Variants in KRT35 observed in about 807,000 individuals in gnomAD.
KRT35 encodes keratin 35.
In KRT35, 33 loss-of-function variants were observed where a neutral mutation model predicts 42.2. The observed-to-expected ratio is 0.78, with a 90% CI of 0.59 to 1.05. The LOEUF (loss-of-function observed/expected upper bound fraction) is 1.05. KRT35 is among the 50% of genes least tolerant of loss of function. The pLI is 0.00. For synonymous variants in KRT35, 218 were observed against 238.2 expected, an observed-to-expected ratio of 0.92 and a Z score of 0.78; for missense variants, 585 against 589.2, an observed-to-expected ratio of 0.99 and a Z score of 0.07.
At chr17:41,478,809 G>T (rs1393079739) in intron 4 of KRT35, 25 bp downstream of exon 4, 1 of 1,604,508 alleles carries the variant, frequency 6.2e-7, no homozygotes, top group Admixed American at 1.7e-5. Context: ...TACCCCTGTT[G>T]CACTGACTGT....
chr17:41,478,201 G>A (rs1344923245), intron 5 of KRT35, among the ~76,000 whole-genome samples, 160 bp downstream of exon 5: 1 of 152,182 alleles, frequency 6.6e-6, no homozygotes, highest in Non-Finnish European at 1.5e-5. Context: ...ATTTGTGACT[G>A]GAGCTGGTCC....
Position 41,480,781 on chromosome 17 carries a change from T to C in KRT35, c.317A>G (p.Asp106Gly). 9 of 1,614,136 alleles carry C rather than the reference T, an allele frequency of 5.6e-6. No homozygotes were observed. The highest frequency in any genetic ancestry group is 5.9e-6 in the Non-Finnish European group (7 of 1,180,046). Residue 106 changes from aspartate (D) to glycine (G), a missense_variant, in exon 1 of 7, where the codon GAC becomes GGC. Physicochemically the swap from Asp to Gly is moderately conservative, Grantham distance 94. Coordinates refer to ENST00000246639, the MANE Select transcript of KRT35 (RefSeq NM_002280.6). ...NEKETMQSLN[D>G]RLAGYLEKVR... is the part of the protein sequence containing the mutation. Reference sequence around the variant, plus strand: ...CTTCTCCAGGTAGCCGGCCAGGCGGTCGTTCAGGGATTGCATGGTCTCCTT... The same window carrying C: ...CTTCTCCAGGTAGCCGGCCAGGCGGCCGTTCAGGGATTGCATGGTCTCCTT...
chr17:41,477,629 C>T lies in KRT35; in HGVS notation c.1109G>A (p.Arg370Gln), dbSNP rs1332038984. 17 of 1,614,126 alleles carry T rather than the reference C, an allele frequency of 1.1e-5. No individual in the cohort carries two copies. Among genetic ancestry groups the T allele is most frequent in the Non-Finnish European group, 1.4e-5 (16 of 1,180,060 alleles). The change falls in exon 6 of 7, where the codon CGG becomes CAG. Residue 370 changes from arginine to glutamine, a missense_variant. Transcript: ENST00000246639. The part of the protein sequence containing the change: ...TNVEAQLAEI[R>Q]ADLERQNQEY... ...CTGGTTCTGCCGCTCCAGGTCAGCC[C>T]GGATCTCGGCCAGCTGGGCCTCCAC...
chr17:41,477,128 G>A lies in KRT35; in HGVS notation c.1296C>T (p.Cys432=), dbSNP rs367703815. Residue 432 remains cysteine (C), a synonymous_variant, in exon 7 of 7, where the codon TGC becomes TGT. Coordinates refer to ENST00000246639, the MANE Select transcript of KRT35 (RefSeq NM_002280.6). ...SCLPCLPAAS[C]GPSAARTNCS... Reference sequence around the variant, plus strand: ...AGTTTGTGCGGGCTGCACTAGGACCGCAGGAGGCCGCAGGAAGACAGGGAA... The same window carrying A: ...AGTTTGTGCGGGCTGCACTAGGACCACAGGAGGCCGCAGGAAGACAGGGAA... The A allele has an allele frequency of 4.5e-5, 72 of 1,612,786 alleles. No individual in the cohort carries two copies. The highest frequency in any genetic ancestry group is 1.3e-4 in the South Asian group (12 of 90,960).
chr17:41,478,335 C>A, intron 5 of KRT35, 26 bp downstream of exon 5: 1 of 1,608,378 alleles, frequency 6.2e-7, no homozygotes, highest in Non-Finnish European at 8.5e-7. Context: ...GGTCCAGAGG[C>A]AGCTCCACCC....
At chr17:41,478,689 A>G (rs998498024) in intron 4 of KRT35, 145 bp downstream of exon 4, 5 of 1,068,198 alleles carry the variant, frequency 4.7e-6, no homozygotes, top group South Asian at 3.1e-5. Context: ...AGCAAGGTCA[A>G]TTGAAGTGGG....
intron 3 of KRT35, 59 bp downstream of exon 3, chr17:41,479,288 T>C (rs1381220756): frequency 1.9e-6 from 3 of 1,546,028 alleles, no homozygotes; most frequent in Middle Eastern, 2.2e-4. Flanking sequence ...CCTCCCCATG[T>C]TCACCTCCTC....
intron 5 of KRT35, 147 bp from the exon 6 acceptor site, chr17:41,477,885 G>A: frequency 8.2e-7 from 1 of 1,219,602 alleles, no homozygotes; most frequent in African/African-American, 1.5e-5. Flanking sequence ...GAGTTGTGTA[G>A]GGAGGAAAAA....
At chr17:41,480,560 C>CAGA in intron 1 of KRT35, 67 bp downstream of exon 1, 3 of 1,275,152 alleles carry the variant, frequency 2.4e-6, no homozygotes, top group Non-Finnish European at 3.4e-6. Flanking sequence ...CCTATGGGAA[C>CAGA]AGAACTACCA....
chr17:41,477,145 G>T lies in KRT35; in HGVS notation c.1279C>A (p.Leu427Ile). ...CTAGGACCGCAGGAGGCCGCAGGAA[G>T]ACAGGGAAGGCATGACTTGGAGGGT... Reference protein sequence around the residue: ...YSPSKSCLPCLPAASCGPSAA... With the variant: ...YSPSKSCLPCIPAASCGPSAA... Residue 427 changes from leucine to isoleucine, a missense_variant, in exon 7 of 7, where the codon CTT becomes ATT. Coordinates refer to ENST00000246639, the MANE Select transcript of KRT35 (RefSeq NM_002280.6). 6.2e-7 allele frequency: 1 copy of T among 1,613,762 alleles called. No individual in the cohort carries two copies.
In KRT35 at chr17:41,477,607, G is replaced by T; in HGVS notation, c.1131C>A (p.Asn377Lys). 2 of 1,614,238 alleles carry T rather than the reference G, an allele frequency of 1.2e-6. No individual in the cohort carries two copies. The highest frequency in any genetic ancestry group is 1.7e-6 in the Non-Finnish European group (2 of 1,180,056). Residue 377 changes from asparagine (N) to lysine (K), a missense_variant, in exon 6 of 7, where the codon AAC becomes AAA. Transcript: ENST00000246639. ...AEIRADLERQ[N>K]QEYQVLLDVR... ...CGTCCAGCAGCACCTGGTACTCCTGGTTCTGCCGCTCCAGGTCAGCCCGGA... is the reference window on the plus strand; with the variant it reads ...CGTCCAGCAGCACCTGGTACTCCTGTTTCTGCCGCTCCAGGTCAGCCCGGA...
Position 41,480,982 on chromosome 17 carries a change from A to G in KRT35, c.116T>C (p.Leu39Pro). Reference sequence around the variant, plus strand: ...TCTGGCCACAGGGGAGAGACTTGGAAGCTTGCAAGAGCTGCTGGAGTACAT... The same window carrying G: ...TCTGGCCACAGGGGAGAGACTTGGAGGCTTGCAAGAGCTGCTGGAGTACAT... ...SAMYSSSSCK[L>P]PSLSPVARSF... The change falls in exon 1 of 7, where the codon CTT (leucine) becomes CCT (proline). Residue 39 changes from leucine to proline, a missense_variant. Leu to Pro is a moderately conservative substitution (Grantham distance 98). Coordinates refer to ENST00000246639, the MANE Select transcript of KRT35 (RefSeq NM_002280.6). 6.2e-7 allele frequency: 1 copy of G among 1,614,120 alleles called. No homozygotes were observed. The highest frequency in any genetic ancestry group is 2.2e-5 in the East Asian group (1 of 44,882).
Position 41,481,045 on chromosome 17 carries a change from G to T in KRT35, c.53C>A (p.Pro18Gln). The change falls in exon 1 of 7, where the codon CCA (proline) becomes CAA (glutamine). Residue 18 changes from proline (P) to glutamine (Q), a missense_variant. By Grantham distance (76) the Pro-to-Gln change is moderately conservative. Coordinates refer to ENST00000246639, the MANE Select transcript of KRT35 (RefSeq NM_002280.6). ...AGFSSGSLKS[P>Q]GGASGGSTRV... ...AGTGGAGCCCCCACTGGCCCCTCCTGGGCTCTTGAGAGACCCAGAAGAGAA... is the reference window on the plus strand; with the variant it reads ...AGTGGAGCCCCCACTGGCCCCTCCTTGGCTCTTGAGAGACCCAGAAGAGAA... 2 of 1,613,824 alleles carry T rather than the reference G, an allele frequency of 1.2e-6. No homozygotes were observed. The highest frequency in any genetic ancestry group is 1.7e-6 in the Non-Finnish European group (2 of 1,179,960).
rs1036097733 is a variant in KRT35 at position 41,480,690 on chromosome 17, C to T, written c.408G>A (p.Gln136=). The T allele has an allele frequency of 1.2e-6, 2 of 1,614,226 alleles. No individual in the cohort carries two copies. The highest frequency in any genetic ancestry group is 1.7e-6 in the Non-Finnish European group (2 of 1,180,044). The change falls in exon 1 of 7, where the codon CAG becomes CAA. Residue 136 remains glutamine, a synonymous_variant. Coordinates refer to ENST00000246639, the MANE Select transcript of KRT35 (RefSeq NM_002280.6). ...ESRIREWCEQ[Q]VPYMCPDYQS... The stretch of plus-strand genomic sequence containing the variant: ...GGTAGTCAGGGCACATGTAGGGGAC[C>T]TGCTGCTCACACCACTCACGGATGC...
At chr17:41,477,400 G>C in intron 6 of KRT35, 118 bp downstream of exon 6, 1 of 1,431,390 alleles carries the variant, frequency 7.0e-7, no homozygotes. Flanking sequence ...AGGAAGACCA[G>C]AACTAAGAGA....
In KRT35 at chr17:41,477,137, C is replaced by T. The variant is rs374763543; in HGVS notation, c.1287G>A (p.Ala429=). Residue 429 remains alanine (A), a synonymous_variant, in exon 7 of 7, where the codon GCG becomes GCA. Coordinates refer to ENST00000246639, the MANE Select transcript of KRT35 (RefSeq NM_002280.6). ...GGGCTGCACTAGGACCGCAGGAGGC[C>T]GCAGGAAGACAGGGAAGGCATGACT... is the stretch of plus-strand genomic sequence containing the variant. ...PSKSCLPCLP[A]ASCGPSAART... 325 of 1,613,350 alleles carry T rather than the reference C, an allele frequency of 2.0e-4. 1 individual carries two copies. Among genetic ancestry groups the T allele is most frequent in the South Asian group, 7.6e-4 (69 of 91,006 alleles).
Position 41,476,852 on chromosome 17 carries a change from G to A in KRT35, c.*204C>T, listed in dbSNP as rs1419776434. ...ACCCTGGCACCCATTGAAATGATGA[G>A]GAGTTGAGACCTTTGGGGGCAGCCG... On this transcript the variant is annotated 3_prime_UTR_variant, in exon 7 of 7. Transcript: ENST00000246639. 12 of 493,032 alleles carry A rather than the reference G, an allele frequency of 2.4e-5. No homozygotes were observed. Among genetic ancestry groups the A allele is most frequent in the African/African-American group, 4.0e-5 (2 of 49,596 alleles). The allele number at this position is 493,032 out of a possible 1,614,324, so 30.5% of individuals were successfully genotyped here.
rs2019178559 is a variant in KRT35, at chr17:41,476,934, A to G, written c.*122T>C. 2.0e-6 allele frequency: 2 copies of G among 1,007,380 alleles called. No individual in the cohort carries two copies. Among genetic ancestry groups the G allele is most frequent in the Non-Finnish European group, 2.8e-6 (2 of 703,642 alleles). 62.4% of individuals were successfully genotyped at this position (1,007,380 alleles called of 1,614,324 possible). On this transcript the variant is annotated 3_prime_UTR_variant, in exon 7 of 7. Coordinates refer to ENST00000246639, the MANE Select transcript of KRT35 (RefSeq NM_002280.6). ...GCATGTATTTGCAGAAAGCCTTTTC[A>G]GCCAGACCCTGGGCCTGGGCTCTGC...
chr17:41,481,018 C>A lies in KRT35; in HGVS notation c.80G>T (p.Arg27Leu), dbSNP rs775007819. Residue 27 changes from arginine to leucine, a missense_variant, in exon 1 of 7, where the codon CGT becomes CTT. Arg to Leu is a moderately radical substitution (Grantham distance 102). Transcript: ENST00000246639. ...GCTGCTGGAGTACATTGCGGACACA[C>A]GAGTGGAGCCCCCACTGGCCCCTCC... is the stretch of plus-strand genomic sequence containing the variant. ...SPGGASGGST[R>L]VSAMYSSSSC... 2.4e-5 allele frequency: 38 copies of A among 1,613,888 alleles called. No individual in the cohort carries two copies. The highest frequency in any genetic ancestry group is 3.1e-5 in the Non-Finnish European group (36 of 1,180,030).
Sources: gnomAD v4.1 joint callset for allele counts (sites outside exome capture counted in the v4.1 genomes callset) on GRCh38, gnomAD v4.1.1 for gene constraint, MANE v1.5 for transcripts, NCBI Gene and HGNC (gene_info 2026-07-23, HGNC 2026-07-21) for gene names.